Variants in OSBPL2 observed in about 807,000 individuals in gnomAD.
OSBPL2 encodes oxysterol-binding protein-related protein 2.
Under a neutral mutation model 58.4 loss-of-function variants are expected in OSBPL2, and 18 were observed. That is an observed-to-expected ratio of 0.31 (90% CI 0.21 to 0.46). The LOEUF (loss-of-function observed/expected upper bound fraction) is 0.46. Ranked by LOEUF, OSBPL2 falls within the 20% of genes least tolerant of loss-of-function variation. OSBPL2 has a pLI of 1.00. For missense variants in OSBPL2, 461 were observed against 616.5 expected, an observed-to-expected ratio of 0.75 and a Z score of 2.67; for synonymous variants, 221 against 234.1, an observed-to-expected ratio of 0.94 and a Z score of 0.51.
intron 13 of OSBPL2, among the ~76,000 whole-genome samples, chr20:62,293,105 G>A (rs1983631325): frequency 6.6e-6 from 1 of 151,624 alleles, no homozygotes; most frequent in African/African-American, 2.4e-5. Flanking sequence ...CTCGTGATCC[G>A]CCTGCCTCCA....
rs182815694 is a variant in OSBPL2 at position 62,250,529 on chromosome 20, T to C, written c.-128-5528T>C. 7.9e-5 allele frequency among the ~76,000 whole-genome samples: 12 copies of C among 152,352 alleles called. No homozygotes were observed. The East Asian group carries it at 2.3e-3, about 29-fold the overall frequency. ...TGTCTCAGTTGTCCAGCTAAGCTTG[T>C]GTCTGGCATCTTAATCCTCATTTTA... On this transcript the variant is annotated intron_variant, in intron 1 of 13. Coordinates refer to ENST00000313733, the MANE Select transcript of OSBPL2 (RefSeq NM_144498.4).
At chr20:62,241,893 C>T (rs886703884) in intron 1 of OSBPL2, among the ~76,000 whole-genome samples, 3 of 152,070 alleles carry the variant, frequency 2.0e-5, no homozygotes, top group Admixed American at 6.5e-5. Flanking sequence ...GTTGACATTT[C>T]GTTTAGTGTT....
chr20:62,258,504 T>C (rs766731359), intron 2 of OSBPL2, among the ~76,000 whole-genome samples: 41 of 152,358 alleles, frequency 2.7e-4, no homozygotes, highest in Middle Eastern at 3.4e-3. Flanking sequence ...GAGGGGCTAA[T>C]AAAAACAAGG....
At chr20:62,255,966 T>G (rs1980893665) in intron 1 of OSBPL2, 91 bp from the exon 2 acceptor site, 1 of 497,424 alleles carries the variant, frequency 2.0e-6, no homozygotes, top group African/African-American at 2.0e-5. Context: ...GAATTTAGAT[T>G]GATTTTAGGA....
chr20:62,253,177 G>A (rs1222690764), intron 1 of OSBPL2, among the ~76,000 whole-genome samples: 1 of 152,274 alleles, frequency 6.6e-6, no homozygotes, highest in Non-Finnish European at 1.5e-5. Context: ...TAATGGTGAT[G>A]GTCACGCACC....
Position 62,288,545 on chromosome 20 carries a change from G to A in OSBPL2, c.1126-662G>A, listed in dbSNP as rs1375331403. Among the ~76,000 whole-genome samples, 3 of 147,894 alleles carry A rather than the reference G, an allele frequency of 2.0e-5. No individual in the cohort carries two copies. The highest frequency in any genetic ancestry group is 7.5e-5 in the African/African-American group (3 of 39,926). On this transcript the variant is annotated intron_variant, in intron 11 of 13. Transcript: ENST00000313733. This position sits in a 1 kb window ranked among gnomAD's most constrained non-coding sequence, Gnocchi z 4.8. ...CTGTGGGTGCAGAGGCTGGGAGGCTGTGGGTGCAGAGGCCGGAGGCTGTGG... is the reference window on the plus strand; with the variant it reads ...CTGTGGGTGCAGAGGCTGGGAGGCTATGGGTGCAGAGGCCGGAGGCTGTGG...
intron 2 of OSBPL2, among the ~76,000 whole-genome samples, chr20:62,259,378 G>A (rs930736373): frequency 6.6e-6 from 1 of 152,202 alleles, no homozygotes; most frequent in African/African-American, 2.4e-5. Flanking sequence ...TGCATGGCTG[G>A]ATCTCACTCA....
intron 1 of OSBPL2, among the ~76,000 whole-genome samples, chr20:62,243,842 A>G (rs564257374): frequency 1.0e-5 from 1 of 97,606 alleles, no homozygotes; most frequent in Non-Finnish European, 2.0e-5. Context: ...CTGTTTTTTT[A>G]AATTTTTTAA....
At chr20:62,243,990 C>T (rs953612567) in intron 1 of OSBPL2, among the ~76,000 whole-genome samples, 2 of 151,990 alleles carry the variant, frequency 1.3e-5, no homozygotes, top group African/African-American at 4.8e-5. Context: ...GTTAGGGTGA[C>T]AGGTTTCTCA....
rs371794576 is a variant in OSBPL2 at position 62,260,902 on chromosome 20, A to T, written c.182+777A>T. Among the ~76,000 whole-genome samples, 7 of 152,078 alleles carry T rather than the reference A, an allele frequency of 4.6e-5. No homozygotes were observed. In the East Asian group the frequency reaches 1.4e-3, roughly 29 times the overall value. On this transcript the variant is annotated intron_variant, in intron 3 of 13. Coordinates refer to ENST00000313733, the MANE Select transcript of OSBPL2 (RefSeq NM_144498.4). ...CTACTTGGGAGGCTGAGTCAGGAGG[A>T]TCCCTTGAGCCCAGAAGTTCGAGGC...
intron 1 of OSBPL2, among the ~76,000 whole-genome samples, chr20:62,239,609 T>G (rs1979583087): frequency 6.6e-6 from 1 of 152,194 alleles, no homozygotes; most frequent in African/African-American, 2.4e-5. Flanking sequence ...TGGATAGACG[T>G]TTCTCGAATG....
chr20:62,291,498 C>G, intron 12 of OSBPL2: 1 of 614,550 alleles, frequency 1.6e-6, no homozygotes, highest in Non-Finnish European at 3.0e-6. Flanking sequence ...CTCTACTCAG[C>G]TCCGCTTGGG....
At position 62,288,333 on chromosome 20, in the gene OSBPL2, G is replaced by A. The variant is rs778398049; in HGVS notation, c.1126-874G>A. Among the ~76,000 whole-genome samples, 3 of 152,222 alleles carry A rather than the reference G, an allele frequency of 2.0e-5. No homozygotes were observed. Among genetic ancestry groups the A allele is most frequent in the Non-Finnish European group, 2.9e-5 (2 of 68,040 alleles). On this transcript the variant is annotated intron_variant, in intron 11 of 13. Coordinates refer to ENST00000313733, the MANE Select transcript of OSBPL2 (RefSeq NM_144498.4). The surrounding 1 kb of genome is among the most constrained non-coding windows in gnomAD (Gnocchi z 4.8). ...GTGGTGGCTGGAGGGCCTGGCTGTG[G>A]TGGGAGGACCTGAGTGGAGCCAGGG...
intron 1 of OSBPL2, among the ~76,000 whole-genome samples, chr20:62,246,772 T>G (rs1265224541): frequency 2.0e-5 from 3 of 152,214 alleles, no homozygotes; most frequent in African/African-American, 7.2e-5. Context: ...AGGTTCTCCC[T>G]GGGTCCGTTC....
intron 1 of OSBPL2, among the ~76,000 whole-genome samples, chr20:62,246,453 T>A (rs1980121221): frequency 6.6e-6 from 1 of 152,234 alleles, no homozygotes; most frequent in African/African-American, 2.4e-5. Flanking sequence ...TAAGTTTTGT[T>A]TTTTTGCAAA....
chr20:62,280,297 G>A (rs1054685992), intron 7 of OSBPL2: 1 of 379,394 alleles, frequency 2.6e-6, no homozygotes, highest in East Asian at 7.5e-5. Context: ...ACCTGGAGAA[G>A]CCCCTGAGAG....
intron 2 of OSBPL2, among the ~76,000 whole-genome samples, chr20:62,259,586 G>A (rs777007852): frequency 7.2e-5 from 11 of 152,210 alleles, no homozygotes; most frequent in Non-Finnish European, 1.2e-4. Context: ...CACAAGCCCT[G>A]AGCCACAACG....
At chr20:62,246,273 T>G (rs560773998) in intron 1 of OSBPL2, among the ~76,000 whole-genome samples, 42 of 152,296 alleles carry the variant, frequency 2.8e-4, no homozygotes, top group Middle Eastern at 3.4e-3. Flanking sequence ...GCTGTTGAAG[T>G]GAAGTCAATT....
At chr20:62,264,213 A>G (rs932100912) in intron 4 of OSBPL2, among the ~76,000 whole-genome samples, 2 of 152,200 alleles carry the variant, frequency 1.3e-5, no homozygotes, top group Non-Finnish European at 2.9e-5. Flanking sequence ...GCAAGCACCC[A>G]TCCAGCCCTG....
Sources: gnomAD v4.1 joint callset for allele counts (sites outside exome capture counted in the v4.1 genomes callset) on GRCh38, gnomAD v4.1.1 for gene constraint, Gnocchi (gnomAD v3.1) non-coding constraint, MANE v1.5 for transcripts, NCBI Gene and HGNC (gene_info 2026-07-23, HGNC 2026-07-21) for gene names.